NUP205: variants seen among roughly 807,000 people sequenced by gnomAD.
The protein encoded by NUP205 is nuclear pore complex protein Nup205.
In NUP205, 76 loss-of-function variants were observed where a neutral mutation model predicts 253.8. The observed-to-expected ratio is 0.30, with a 90% CI of 0.25 to 0.36. The LOEUF (loss-of-function observed/expected upper bound fraction) is 0.36, where lower values mean the gene tolerates loss of function less well. Among genes scored for constraint, NUP205 ranks in the 10% least tolerant of loss-of-function variants. The pLI is 1.00. For missense variants in NUP205, 2,162 were observed against 2,425.5 expected, an observed-to-expected ratio of 0.89 and a Z score of 2.28; for synonymous variants, 832 against 850.1, an observed-to-expected ratio of 0.98 and a Z score of 0.37.
rs1204901780 is a variant in NUP205 at position 135,630,379 on chromosome 7, A to G, written c.4968A>G (p.Ile1656Met). The G allele has an allele frequency of 6.2e-7, 1 of 1,606,788 alleles. No homozygotes were observed. Among genetic ancestry groups the G allele is most frequent in the Admixed American group, 1.7e-5 (1 of 58,818 alleles). Reference sequence around the variant, plus strand: ...TTCTTATTTCACATTCTGATACCATACAAGCAATTCTGCGCTGTCAGGATG... The same window carrying G: ...TTCTTATTTCACATTCTGATACCATGCAAGCAATTCTGCGCTGTCAGGATG... ...LQFLISHSDTIQAILRCQDVS... is the reference protein window; with the variant it reads ...LQFLISHSDTMQAILRCQDVS... Residue 1656 changes from isoleucine to methionine, a missense_variant, in exon 35 of 43, where the codon ATA (isoleucine) becomes ATG (methionine). Transcript: ENST00000285968.
chr7:135,577,333 T>TA (rs1220582940), intron 5 of NUP205, among the ~76,000 whole-genome samples: 1 of 152,194 alleles, frequency 6.6e-6, no homozygotes, highest in Non-Finnish European at 1.5e-5. Flanking sequence ...TTTTGATACA[T>TA]ATGTATGATA....
rs1806415581 is a variant in NUP205 at position 135,584,949 on chromosome 7, T to A, written c.1160T>A (p.Phe387Tyr). 1 of 1,613,836 alleles carries A rather than the reference T, an allele frequency of 6.2e-7. No individual in the cohort carries two copies. The highest frequency in any genetic ancestry group is 1.3e-5 in the African/African-American group (1 of 74,934). The stretch of plus-strand genomic sequence containing the variant: ...TCAGAATACTTTTATCAGGAAGAAT[T>A]TTATATTCGCAGAGTCCATAATCTC... ...VVSEYFYQEE[F>Y]YIRRVHNLIT... Residue 387 changes from phenylalanine to tyrosine, a missense_variant, in exon 8 of 43, where the codon TTT becomes TAT. Physicochemically the swap from Phe to Tyr is conservative, Grantham distance 22 (BLOSUM62 3). Coordinates refer to ENST00000285968, the MANE Select transcript of NUP205 (RefSeq NM_015135.3).
chr7:135,596,058 C>T (rs1793827617), intron 13 of NUP205, among the ~76,000 whole-genome samples: 1 of 152,128 alleles, frequency 6.6e-6, no homozygotes, highest in Non-Finnish European at 1.5e-5. Context: ...CCTCAGCCTC[C>T]CAAGTAGCTG....
chr7:135,638,569 G>C lies in NUP205; in HGVS notation c.5278G>C (p.Val1760Leu). The C allele has an allele frequency of 6.2e-7, 1 of 1,613,864 alleles. No homozygotes were observed. Among genetic ancestry groups the C allele is most frequent in the South Asian group, 1.1e-5 (1 of 91,064 alleles). ...ELAMQQICAN[V>L]MEYCQSLMLQ... ...TTTTTGATTATAGATTTGTGCCAAT[G>C]TAATGGAATATTGCCAGTCACTCAT... The change falls in exon 38 of 43, where the codon GTA becomes CTA. Residue 1760 changes from valine (V) to leucine (L), a missense_variant. Transcript: ENST00000285968.
intron 28 of NUP205, among the ~76,000 whole-genome samples, chr7:135,618,837 C>T (rs1416759613): frequency 2.0e-5 from 3 of 152,092 alleles, no homozygotes; most frequent in African/African-American, 7.2e-5. Context: ...GGACAGAGCC[C>T]ACCCCAGACC....
At chr7:135,574,134 G>T (rs569255707) in intron 3 of NUP205, among the ~76,000 whole-genome samples, 1 of 151,924 alleles carries the variant, frequency 6.6e-6, no homozygotes, top group South Asian at 2.1e-4. Context: ...CACCATGCCC[G>T]GCTATCCTTT....
In NUP205 at chr7:135,573,696, AC is replaced by A. The variant is rs755463682; in HGVS notation, c.215del (p.Thr72LysfsTer58). On this transcript the variant is annotated frameshift_variant, in exon 3 of 43. Transcript: ENST00000285968. LOFTEE classifies it high-confidence loss of function. The part of the protein sequence containing the change: ...QQHEKVQKAS[T>X]EGVAIQGQQG... ...GCATGAGAAGGTTCAGAAAGCCAGT[AC>A]AGAGGGAGTCGCCATTCAGGGTCAA... is the stretch of plus-strand genomic sequence containing the variant. 1 of 1,613,962 alleles carries A rather than the reference AC, an allele frequency of 6.2e-7. No homozygotes were observed. Among genetic ancestry groups the A allele is most frequent in the African/African-American group, 1.3e-5 (1 of 74,922 alleles).
Position 135,609,094 on chromosome 7 carries a change from A to G in NUP205, c.3195+1723A>G, listed in dbSNP as rs547897899. 1.8e-4 allele frequency among the ~76,000 whole-genome samples: 26 copies of G among 145,056 alleles called. No individual in the cohort carries two copies. The South Asian group carries it at 5.7e-3, about 32-fold the overall frequency. The stretch of plus-strand genomic sequence containing the variant: ...ACTCCAGCCTGGGCAACAAGAGCAA[A>G]ACTCCGTCTCAAAAAAAAAAAAAAA... On this transcript the variant is annotated intron_variant, in intron 22 of 42. Coordinates refer to ENST00000285968, the MANE Select transcript of NUP205 (RefSeq NM_015135.3).
intron 18 of NUP205, among the ~76,000 whole-genome samples, chr7:135,603,725 G>A (rs1794018233): frequency 6.6e-6 from 1 of 151,416 alleles, no homozygotes; most frequent in African/African-American, 2.4e-5. Flanking sequence ...GGCCAGGCTG[G>A]TCTCAAACTC....
At position 135,625,259 on chromosome 7, in the gene NUP205, C is replaced by T. The variant is rs143069117; in HGVS notation, c.4575C>T (p.Leu1525=). The change falls in exon 32 of 43, where the codon CTC becomes CTT. Residue 1525 remains leucine (L), a synonymous_variant. Coordinates refer to ENST00000285968, the MANE Select transcript of NUP205 (RefSeq NM_015135.3). ...CTAACAGTGGCTACTTGAAGGTCCT[C>T]GTAGACAGCTTGGTAGAAGATGACC... ...YLSNSGYLKV[L]VDSLVEDDRT... is the part of the protein sequence containing the mutation. 59 of 1,614,000 alleles carry T rather than the reference C, an allele frequency of 3.7e-5. No individual in the cohort carries two copies. The highest frequency in any genetic ancestry group is 4.5e-5 in the Non-Finnish European group (53 of 1,180,010).
At position 135,636,549 on chromosome 7, in the gene NUP205, C is replaced by T. The variant is rs149747476; in HGVS notation, c.5136+892C>T. Among the ~76,000 whole-genome samples, 393 of 152,072 alleles carry T rather than the reference C, an allele frequency of 2.6e-3. 3 individuals carry two copies. The highest frequency in any genetic ancestry group is 8.9e-3 in the African/African-American group (368 of 41,468). ...CTTTTATTGGTATGGAGGAAGACAC[C>T]TTTTTGATGGATCTTTCATAAGGTG... On this transcript the variant is annotated intron_variant, in intron 36 of 42. Coordinates refer to ENST00000285968, the MANE Select transcript of NUP205 (RefSeq NM_015135.3).
chr7:135,609,039 G>GGTT (rs1048140777), intron 22 of NUP205, among the ~76,000 whole-genome samples: 1 of 150,112 alleles, frequency 6.7e-6, no homozygotes, highest in Non-Finnish European at 1.5e-5. Flanking sequence ...GGGAGGCAGA[G>GGTT]GTTGCAGTGA....
Position 135,573,659 on chromosome 7 carries a change from A to T in NUP205, c.177A>T (p.Lys59Asn), listed in dbSNP as rs773049675. 6.2e-7 allele frequency: 1 copy of T among 1,604,752 alleles called. No homozygotes were observed. The highest frequency in any genetic ancestry group is 8.5e-7 in the Non-Finnish European group (1 of 1,177,540). ...DFISLFKNPP[K>N]NVQQHEKVQK... Reference sequence around the variant, plus strand: ...TTACAATTTTATCATTGTAGCCAAAAAATGTTCAACAGCATGAGAAGGTTC... The same window carrying T: ...TTACAATTTTATCATTGTAGCCAAATAATGTTCAACAGCATGAGAAGGTTC... Residue 59 changes from lysine (K) to asparagine (N), a missense_variant, in exon 3 of 43, where the codon AAA becomes AAT. By Grantham distance (94) the Lys-to-Asn change is moderately conservative. This residue lies in a region of NUP205 where 109 missense variants were observed against 131.8 expected (regional missense o/e 0.83). Transcript: ENST00000285968.
At chr7:135,604,104 A>G (rs1289699585) in intron 18 of NUP205, among the ~76,000 whole-genome samples, 1 of 152,104 alleles carries the variant, frequency 6.6e-6, no homozygotes, top group Non-Finnish European at 1.5e-5. Flanking sequence ...ATGTACAAAG[A>G]CCCTACTTTC....
Position 135,646,208 on chromosome 7 carries a change from G to A in NUP205, c.5863G>A (p.Val1955Met). Residue 1955 changes from valine (V) to methionine (M), a missense_variant, in exon 42 of 43, where the codon GTG becomes ATG. Around this residue, in one of 5 missense-constraint regions of NUP205, gnomAD observed 1,144 missense variants for 1,280.9 expected, o/e 0.89. Transcript: ENST00000285968. ...AGATTTTAGAAGTGGGCTGGCTATAGTGAGCCAACATGATTTAGACCAGGT... is the reference window on the plus strand; with the variant it reads ...AGATTTTAGAAGTGGGCTGGCTATAATGAGCCAACATGATTTAGACCAGGT... ...NLDFRSGLAI[V>M]SQHDLDQLQA... 2 of 1,612,954 alleles carry A rather than the reference G, an allele frequency of 1.2e-6. No individual in the cohort carries two copies. The highest frequency in any genetic ancestry group is 1.7e-6 in the Non-Finnish European group (2 of 1,178,936).
At chr7:135,630,708 G>C (rs760009098) in intron 35 of NUP205, among the ~76,000 whole-genome samples, 19 of 152,220 alleles carry the variant, frequency 1.2e-4, no homozygotes, top group Admixed American at 2.0e-4. Context: ...ATGATTGCTT[G>C]AGGCCAAGGG....
chr7:135,593,125 G>C lies in NUP205; in HGVS notation c.1763G>C (p.Gly588Ala). 1 of 1,614,080 alleles carries C rather than the reference G, an allele frequency of 6.2e-7. No individual in the cohort carries two copies. Among genetic ancestry groups the C allele is most frequent in the Non-Finnish European group, 8.5e-7 (1 of 1,180,000 alleles). Residue 588 changes from glycine (G) to alanine (A), a missense_variant, in exon 12 of 43, where the codon GGC becomes GCC. By Grantham distance (60) the Gly-to-Ala change is moderately conservative (BLOSUM62 0). Around this residue, in one of 5 missense-constraint regions of NUP205, gnomAD observed 892 missense variants for 957.1 expected, o/e 0.93. Coordinates refer to ENST00000285968, the MANE Select transcript of NUP205 (RefSeq NM_015135.3). ...SVQYRHLPSR[G>A]ITQKEQDGLI... is the part of the protein sequence containing the mutation. ...CAGTACCGTCACCTTCCTTCCCGTG[G>C]CATCACCCAGAAGGAGCAAGATGGA...
intron 13 of NUP205, among the ~76,000 whole-genome samples, chr7:135,595,104 A>G (rs778459608): frequency 4.6e-5 from 7 of 152,022 alleles, no homozygotes; most frequent in Non-Finnish European, 1.0e-4. Context: ...TGTTTTTCTT[A>G]TCTGCTCTTT....
chr7:135,615,621 T>C (rs775479848), intron 23 of NUP205, among the ~76,000 whole-genome samples: 12 of 152,216 alleles, frequency 7.9e-5, no homozygotes, highest in Non-Finnish European at 1.5e-4. Flanking sequence ...AGTGTCAAAA[T>C]ACGATAGATT....
Sources: gnomAD v4.1 joint callset for allele counts (sites outside exome capture counted in the v4.1 genomes callset) on GRCh38, gnomAD v4.1.1 for gene constraint, gnomAD v4.1.1 regional missense constraint, MANE v1.5 for transcripts, NCBI Gene and HGNC (gene_info 2026-07-23, HGNC 2026-07-21) for gene names.